Variants in MDGA2 observed in about 807,000 individuals in gnomAD.
MDGA2 encodes MAM domain-containing glycosylphosphatidylinositol anchor protein 2.
MDGA2 carries 40 observed loss-of-function variants against 117.8 expected under a neutral mutation model. That is an observed-to-expected ratio of 0.34 (90% confidence interval 0.26 to 0.44). MDGA2 has a LOEUF of 0.44. Among genes scored for constraint, MDGA2 ranks in the 20% least tolerant of loss-of-function variants. The probability of loss-of-function intolerance (pLI) is 1.00; values close to 1 mark genes in which losing one functional copy is unlikely to be tolerated. For synonymous variants in MDGA2, 452 were observed against 439.0 expected (o/e 1.03, Z -0.37); for missense variants, 1,123 against 1,250.6 (o/e 0.90, Z 1.54).
chr14:47,626,064 G>C (rs764264343), intron 1 of MDGA2, among the ~76,000 whole-genome samples: 19 of 152,154 alleles, frequency 1.2e-4, no homozygotes, highest in Non-Finnish European at 2.1e-4. Flanking sequence ...TCATACTTAA[G>C]TCTCTGCTCA....
rs184263202 is a variant in MDGA2 at position 46,902,452 on chromosome 14, A to C, written c.2238+17560T>G. ...TTTTTCTTTTCCCAAATATGGTTTT[A>C]TACATTTCCAGCATATATTTGAATA... On this transcript the variant is annotated intron_variant, in intron 10 of 16. Transcript: ENST00000399232. Among the ~76,000 whole-genome samples the C allele has an allele frequency of 2.4e-3, 368 of 152,218 alleles. 1 individual carries two copies. Among genetic ancestry groups the C allele is most frequent in the Non-Finnish European group, 4.3e-3 (295 of 67,998 alleles).
At chr14:47,071,205 G>A (rs1331372579) in intron 6 of MDGA2, among the ~76,000 whole-genome samples, 1 of 152,182 alleles carries the variant, frequency 6.6e-6, no homozygotes, top group Admixed American at 6.5e-5. Flanking sequence ...AAGATGGAAT[G>A]TCATGTAAGT....
At chr14:47,289,841 CATCTA>C (rs1888819430) in intron 2 of MDGA2, among the ~76,000 whole-genome samples, 1 of 152,026 alleles carries the variant, frequency 6.6e-6, no homozygotes, top group Admixed American at 6.6e-5. Flanking sequence ...CACAGAGAGA[CATCTA>C]ATTTCAAATT....
chr14:47,234,392 T>C (rs1240960233), intron 2 of MDGA2, among the ~76,000 whole-genome samples: 1 of 152,012 alleles, frequency 6.6e-6, no homozygotes. Flanking sequence ...TTTGGACATA[T>C]CTGAAATTTT....
At chr14:47,045,467 T>A (rs866622687) in intron 7 of MDGA2, among the ~76,000 whole-genome samples, 4 of 152,232 alleles carry the variant, frequency 2.6e-5, no homozygotes, top group African/African-American at 7.2e-5. Flanking sequence ...CTAAAATACA[T>A]AAATAAATAA....
chr14:47,512,910 G>A (rs1894671553), intron 1 of MDGA2, among the ~76,000 whole-genome samples: 1 of 145,356 alleles, frequency 6.9e-6, no homozygotes, highest in African/African-American at 2.9e-5. Context: ...TATACACAAT[G>A]CCACAAAAAA....
intron 10 of MDGA2, among the ~76,000 whole-genome samples, chr14:46,902,056 A>G (rs1883306676): frequency 6.6e-6 from 1 of 152,154 alleles, no homozygotes; most frequent in Non-Finnish European, 1.5e-5. Flanking sequence ...AGGGATATAA[A>G]ACCATGACTT....
intron 4 of MDGA2, among the ~76,000 whole-genome samples, chr14:47,135,458 C>A (rs534759102): frequency 4.6e-5 from 7 of 151,972 alleles, no homozygotes; most frequent in Non-Finnish European, 1.0e-4. Context: ...TTTTTCTTGT[C>A]CTTGGAGTTG....
chr14:47,064,104 AT>A (rs1288216648), intron 6 of MDGA2, among the ~76,000 whole-genome samples: 1 of 152,114 alleles, frequency 6.6e-6, no homozygotes, highest in Non-Finnish European at 1.5e-5. Flanking sequence ...ATTAGAGATT[AT>A]AAACCCATAA....
chr14:47,074,051 G>A (rs1004154558), intron 6 of MDGA2, among the ~76,000 whole-genome samples: 2 of 151,670 alleles, frequency 1.3e-5, no homozygotes, highest in African/African-American at 4.8e-5. Flanking sequence ...TCTTTCCCAT[G>A]TATTTATGAA....
At chr14:47,342,526 G>C (rs1890660990) in intron 1 of MDGA2, among the ~76,000 whole-genome samples, 1 of 151,880 alleles carries the variant, frequency 6.6e-6, no homozygotes, top group Non-Finnish European at 1.5e-5. Context: ...CCTAGAACTA[G>C]GAAAATATAC....
intron 8 of MDGA2, among the ~76,000 whole-genome samples, chr14:47,031,212 A>ATT (rs199912795): frequency 0.01 from 1,275 of 123,512 alleles, 14 homozygotes; most frequent in Non-Finnish European, 0.014. Context: ...TTATTTAGAA[A>ATT]TATATATATA....
chr14:47,114,955 CAAA>C (rs35950492), intron 5 of MDGA2, among the ~76,000 whole-genome samples: 16,689 of 127,220 alleles, frequency 0.13, 1,196 homozygotes, highest in Non-Finnish European at 0.2. Flanking sequence ...TCTGCACAGC[CAAA>C]AAAAAAAAAA....
intron 1 of MDGA2, among the ~76,000 whole-genome samples, chr14:47,395,811 A>G (rs1218615687): frequency 6.6e-6 from 1 of 152,182 alleles, no homozygotes. Context: ...ATATAAAAAC[A>G]GTATAGTCAC....
At chr14:46,909,224 A>G (rs981792851) in intron 10 of MDGA2, among the ~76,000 whole-genome samples, 4 of 152,214 alleles carry the variant, frequency 2.6e-5, no homozygotes, top group African/African-American at 9.6e-5. Context: ...TTCTACAAAT[A>G]AAAAGTAGAT....
chr14:47,134,966 C>T (rs1223851050), intron 4 of MDGA2, among the ~76,000 whole-genome samples: 1 of 151,968 alleles, frequency 6.6e-6, no homozygotes, highest in Non-Finnish European at 1.5e-5. Flanking sequence ...TCTTTACTCA[C>T]ATAGAGTTAA....
At chr14:47,441,173 T>A (rs1422130434) in intron 1 of MDGA2, among the ~76,000 whole-genome samples, 1 of 152,098 alleles carries the variant, frequency 6.6e-6, no homozygotes, top group Non-Finnish European at 1.5e-5. Flanking sequence ...CTTGATGAGA[T>A]CCTTTAATAG....
chr14:47,664,461 T>C (rs1358450943), intron 1 of MDGA2, among the ~76,000 whole-genome samples: 2 of 152,212 alleles, frequency 1.3e-5, no homozygotes, highest in African/African-American at 4.8e-5. Context: ...AATGCAGCCA[T>C]AGTTTCTTAT....
At chr14:47,539,741 G>C (rs1895298207) in intron 1 of MDGA2, among the ~76,000 whole-genome samples, 2 of 152,150 alleles carry the variant, frequency 1.3e-5, no homozygotes, top group African/African-American at 4.8e-5. Flanking sequence ...GAGTAGATTT[G>C]GCATAAACTC....
Sources: allele counts gnomAD v4.1 joint callset (sites outside exome capture counted in the v4.1 genomes callset), GRCh38; gene constraint gnomAD v4.1.1; transcripts MANE v1.5; gene names NCBI Gene and HGNC (gene_info 2026-07-23, HGNC 2026-07-21).